Variants in PTPRF observed in about 807,000 individuals in gnomAD.
PTPRF encodes the protein receptor-type tyrosine-protein phosphatase F.
Under a neutral mutation model 201.8 loss-of-function variants are expected in PTPRF, and 59 were observed. The observed-to-expected ratio is 0.29, with a 90% confidence interval of 0.24 to 0.36. The LOEUF is 0.36. PTPRF is among the 10% of genes least tolerant of loss of function. PTPRF has a pLI of 1.00. For missense variants in PTPRF, 2,132 were observed against 2,690.5 expected, an observed-to-expected ratio of 0.79 and a Z score of 4.59; for synonymous variants, 1,088 against 1,089.7, an observed-to-expected ratio of 1.00 and a Z score of 0.03.
chr1:43,570,351 T>C (rs974651772), intron 6 of PTPRF, among the ~76,000 whole-genome samples: 5 of 152,226 alleles, frequency 3.3e-5, no homozygotes, highest in African/African-American at 7.2e-5. Flanking sequence ...ACCCCATTGA[T>C]CGATCTGCCT....
chr1:43,571,504 C>T (rs898621221), intron 6 of PTPRF, among the ~76,000 whole-genome samples: 4 of 152,250 alleles, frequency 2.6e-5, no homozygotes, highest in Non-Finnish European at 4.4e-5. Context: ...TGAGTGATGA[C>T]CTTCTTTTCA....
In PTPRF at chr1:43,553,400, T is replaced by G. The variant is rs536163612; in HGVS notation, c.92-92T>G. 7.2e-7 allele frequency: 1 copy of G among 1,386,704 alleles called. No individual in the cohort carries two copies. The highest frequency in any genetic ancestry group is 1.3e-5 in the South Asian group (1 of 75,166). The allele number at this position is 1,386,704 out of a possible 1,614,324, so 85.9% of individuals were successfully genotyped here. ...GAGGTGTCCTTGTTTTCTTTGTAGG[T>G]CTTTCTCTCTGCCCCCATGACTGCC... On this transcript the variant is annotated intron_variant, in intron 3 of 33. Coordinates refer to ENST00000359947, the MANE Select transcript of PTPRF (RefSeq NM_002840.5). The surrounding 1 kb of genome is among the most constrained non-coding windows in gnomAD (Gnocchi z 4.1).
At chr1:43,566,505 C>T (rs777912494) in intron 5 of PTPRF, among the ~76,000 whole-genome samples, 6 of 152,140 alleles carry the variant, frequency 3.9e-5, no homozygotes, top group East Asian at 3.9e-4. Flanking sequence ...GTTGAGGCTG[C>T]GGTAGACCCA....
intron 7 of PTPRF, among the ~76,000 whole-genome samples, chr1:43,582,860 T>C (rs952487839): frequency 6.6e-6 from 1 of 152,230 alleles, no homozygotes; most frequent in African/African-American, 2.4e-5. Flanking sequence ...CTGTCCACCA[T>C]GTCCTCCATG....
rs372837948 is a variant in PTPRF at position 43,553,671 on chromosome 1, C to T, written c.237+34C>T. 1.2e-6 allele frequency: 2 copies of T among 1,612,728 alleles called. No homozygotes were observed. Among genetic ancestry groups the T allele is most frequent in the South Asian group, 1.1e-5 (1 of 90,898 alleles). On this transcript the variant is annotated intron_variant, in intron 4 of 33. Transcript: ENST00000359947. This position sits in a 1 kb window ranked among gnomAD's most constrained non-coding sequence, Gnocchi z 4.1. ...GTGGTGGGAAGGGGTCGGCAGGGCT[C>T]AGGGTCTGCCCACACTCTCTCCTTT...
chr1:43,560,250 A>AGT (rs571191906), intron 5 of PTPRF, among the ~76,000 whole-genome samples: 101 of 147,018 alleles, frequency 6.9e-4, no homozygotes, highest in African/African-American at 2.2e-3. Flanking sequence ...TGCAGCAGGC[A>AGT]GTGTGTGTGT....
At position 43,554,857 on chromosome 1, in the gene PTPRF, C is replaced by CT. The variant is rs1553174851; in HGVS notation, c.379+929dup. On this transcript the variant is annotated intron_variant, in intron 5 of 33. Transcript: ENST00000359947. The surrounding 1 kb of genome is among the most constrained non-coding windows in gnomAD (Gnocchi z 4.1). ...TTTTTTTTCTTTTCTTTCTTTCTTT[C>CT]TTTTTTTTTTTTTGAGATGCAGTCT... Among the ~76,000 whole-genome samples the CT allele has an allele frequency of 3.3e-3, 439 of 133,346 alleles. No individual in the cohort carries two copies. The highest frequency in any genetic ancestry group is 4.6e-3 in the Non-Finnish European group (298 of 64,614). The allele number at this position is 133,346 out of a possible 152,430, so 87.5% of individuals were successfully genotyped here. A position where few individuals can be genotyped will look rare whatever the true frequency, so the allele number is the denominator to read the frequency against.
intron 26 of PTPRF, 38 bp downstream of exon 26, chr1:43,618,787 A>G (rs1452860377): frequency 1.9e-6 from 3 of 1,580,476 alleles, no homozygotes; most frequent in Admixed American, 1.7e-5. Context: ...TTACCCAGAC[A>G]CTGTAAGGAC....
At chr1:43,595,993 T>G (rs1004212727) in intron 11 of PTPRF, among the ~76,000 whole-genome samples, 1 of 151,982 alleles carries the variant, frequency 6.6e-6, no homozygotes, top group African/African-American at 2.4e-5. Context: ...CCAGCCTGCC[T>G]CAGTGCCGCT....
intron 6 of PTPRF, among the ~76,000 whole-genome samples, chr1:43,577,412 C>T (rs1647000369): frequency 6.6e-6 from 1 of 152,230 alleles, no homozygotes; most frequent in African/African-American, 2.4e-5. Context: ...GAGGCCAGCA[C>T]CAAAGAGGCA....
rs1422069418 is a variant in PTPRF, at chr1:43,598,046, T to A, written c.2112T>A (p.Asp704Glu). ...GCAGCCCGGTGCTGGTGCGCACCGATGAGGACGGTAGGCAGTGCCACCGGG... is the reference window on the plus strand; with the variant it reads ...GCAGCCCGGTGCTGGTGCGCACCGAAGAGGACGGTAGGCAGTGCCACCGGG... Reference protein sequence around the residue: ...PESSPVLVRTDEDVPSGPPRK... With the variant: ...PESSPVLVRTEEDVPSGPPRK... The change falls in exon 12 of 34, where the codon GAT becomes GAA. Residue 704 changes from aspartate to glutamate, a missense_variant. Physicochemically the swap from Asp to Glu is conservative, Grantham distance 45. Coordinates refer to ENST00000359947, the MANE Select transcript of PTPRF (RefSeq NM_002840.5). 1 of 1,487,418 alleles carries A rather than the reference T, an allele frequency of 6.7e-7. No individual in the cohort carries two copies. Among genetic ancestry groups the A allele is most frequent in the African/African-American group, 1.4e-5 (1 of 71,738 alleles). 92.1% of individuals were successfully genotyped at this position (1,487,418 alleles called of 1,614,324 possible).
chr1:43,522,288 C>T (rs79759799), upstream of PTPRF, among the ~76,000 whole-genome samples: 6,633 of 152,242 alleles, frequency 0.044, 479 homozygotes, highest in African/African-American at 0.15. Context: ...ATAGGAGGAG[C>T]GGCGTCAGAA....
At chr1:43,564,198 C>T (rs1182573704) in intron 5 of PTPRF, among the ~76,000 whole-genome samples, 1 of 152,122 alleles carries the variant, frequency 6.6e-6, no homozygotes, top group Non-Finnish European at 1.5e-5. Context: ...TGCCTGGAAG[C>T]CTGGGGGTGG....
intron 6 of PTPRF, among the ~76,000 whole-genome samples, chr1:43,570,483 C>G (rs748842446): frequency 1.3e-5 from 2 of 152,260 alleles, no homozygotes; most frequent in African/African-American, 2.4e-5. Context: ...GACCAATAGT[C>G]TTTGCTTCAG....
chr1:43,591,367 G>A lies in PTPRF; in HGVS notation c.1345G>A (p.Val449Ile), dbSNP rs370471082. ...CAACGGCCTGGTGCGGGGATACCGC[G>A]TCTACTATACTCCGGACTCCCGCCG... Reference protein sequence around the residue: ...EPNGLVRGYRVYYTPDSRRPP... With the variant: ...EPNGLVRGYRIYYTPDSRRPP... Residue 449 changes from valine to isoleucine, a missense_variant, in exon 9 of 34, where the codon GTC becomes ATC. By Grantham distance (29) the Val-to-Ile change is conservative (BLOSUM62 3). Around this residue, in one of 6 missense-constraint regions of PTPRF, gnomAD observed 351 missense variants for 401.7 expected, o/e 0.87. Transcript: ENST00000359947. The A allele has an allele frequency of 5.3e-5, 82 of 1,555,424 alleles. No homozygotes were observed. The highest frequency in any genetic ancestry group is 3.1e-4 in the East Asian group (13 of 41,274).
chr1:43,603,881 C>T lies in PTPRF; in HGVS notation c.2729C>T (p.Thr910Ile). ...LGEEFEKEIRTPEDLPSGFPQ... is the reference protein window; with the variant it reads ...LGEEFEKEIRIPEDLPSGFPQ... ...GAGGAGTTCGAGAAGGAGATCAGGA[C>T]CCCCGAGGACCTGCCCAGCGGCTTC... The change falls in exon 16 of 34, where the codon ACC becomes ATC. Residue 910 changes from threonine (T) to isoleucine (I), a missense_variant. Coordinates refer to ENST00000359947, the MANE Select transcript of PTPRF (RefSeq NM_002840.5). This position sits in a 1 kb window ranked among gnomAD's most constrained non-coding sequence, Gnocchi z 5.8. The T allele has an allele frequency of 1.2e-6, 2 of 1,614,044 alleles. No individual in the cohort carries two copies. Among genetic ancestry groups the T allele is most frequent in the Non-Finnish European group, 8.5e-7 (1 of 1,180,028 alleles).
chr1:43,564,748 G>A (rs923464853), intron 5 of PTPRF, among the ~76,000 whole-genome samples: 8 of 152,152 alleles, frequency 5.3e-5, no homozygotes, highest in East Asian at 1.9e-4. Context: ...GTGCGGGTGC[G>A]TGCCTGCGTT....
At chr1:43,593,267 G>A (rs192386052) in intron 11 of PTPRF, among the ~76,000 whole-genome samples, 117 of 152,346 alleles carry the variant, frequency 7.7e-4, no homozygotes, top group Non-Finnish European at 1.0e-3. Context: ...CCATGAGTGT[G>A]AGTGTGTGAC....
chr1:43,583,067 A>G, intron 7 of PTPRF: 1 of 984,212 alleles, frequency 1.0e-6, no homozygotes, highest in Non-Finnish European at 1.2e-6. Context: ...ATCAACCCAA[A>G]CTCTCATCTC....
Sources: gnomAD v4.1 joint callset for allele counts (sites outside exome capture counted in the v4.1 genomes callset) on GRCh38, gnomAD v4.1.1 for gene constraint, gnomAD v4.1.1 regional missense constraint, Gnocchi (gnomAD v3.1) non-coding constraint, MANE v1.5 for transcripts, NCBI Gene and HGNC (gene_info 2026-07-23, HGNC 2026-07-21) for gene names.